The following ACACB variants were observed in gnomAD, a reference collection of about 807,000 sequenced individuals.
The protein encoded by ACACB is acetyl-CoA carboxylase 2.
Under a neutral mutation model 278.8 loss-of-function variants are expected in ACACB, and 209 were observed. That is an observed-to-expected ratio of 0.75 (90% CI 0.67 to 0.84). The LOEUF is 0.84. Among genes scored for constraint, ACACB ranks in the 40% least tolerant of loss-of-function variants. The pLI is 0.00. For synonymous variants in ACACB, 1,174 were observed against 1,285.6 expected (o/e 0.91, Z 1.86); for missense variants, 2,850 against 3,269.0 (o/e 0.87, Z 3.13).
intron 11 of ACACB, among the ~76,000 whole-genome samples, chr12:109,182,222 T>G (rs2044501638): frequency 6.6e-6 from 1 of 152,214 alleles, no homozygotes; most frequent in African/African-American, 2.4e-5. Flanking sequence ...TGGTTTTGAT[T>G]TGCATTTCTC....
At position 109,258,267 on chromosome 12, in the gene ACACB, G is replaced by A; in HGVS notation, c.6264-1G>A. ...CTGGCTCACTGGTGCTCATTTTCCA[G>A]GCTTGGGGGGATTCCCGTGGGAGTG... On this transcript the variant is annotated splice_acceptor_variant, in intron 45 of 52. Coordinates refer to ENST00000338432, the MANE Select transcript of ACACB (RefSeq NM_001093.4). LOFTEE classifies it high-confidence loss of function. 6.2e-7 allele frequency: 1 copy of A among 1,611,610 alleles called. No homozygotes were observed. The highest frequency in any genetic ancestry group is 8.5e-7 in the Non-Finnish European group (1 of 1,179,410).
At chr12:109,160,808 C>T (rs2043698662) in intron 2 of ACACB, among the ~76,000 whole-genome samples, 1 of 152,202 alleles carries the variant, frequency 6.6e-6, no homozygotes, top group African/African-American at 2.4e-5. Context: ...GCTTGCCTAG[C>T]CTGCGGTAAT....
At position 109,210,141 on chromosome 12, in the gene ACACB, ATGTATATATACACACGTGTGTATATG is replaced by A. The variant is rs2045699501; in HGVS notation, c.3249+790_3249+815del. Among the ~76,000 whole-genome samples the A allele has an allele frequency of 6.1e-5, 3 of 48,994 alleles. 1 individual carries two copies. Among genetic ancestry groups the A allele is most frequent in the Admixed American group, 1.8e-4 (1 of 5,428 alleles). 32.1% of individuals were successfully genotyped at this position (48,994 alleles called of 152,430 possible). The stretch of plus-strand genomic sequence containing the variant: ...TACACGTACATGTATGTGTGTATAT[ATGTATATATACACACGTGTGTATATG>A]TATATATGTATATATACACACGTGT... On this transcript the variant is annotated intron_variant, in intron 21 of 52. Transcript: ENST00000338432.
chr12:109,245,643 G>C lies in ACACB; in HGVS notation c.5196G>C (p.Trp1732Cys). ...EMFRQALFKL[W>C]GSPDKYPKDI... ...CTCCCCAGGCTCTCTTTAAACTGTG[G>C]GGCTCCCCAGACAAGTATCCCAAAG... The change falls in exon 38 of 53, where the codon TGG (tryptophan) becomes TGC (cysteine). Residue 1732 changes from tryptophan to cysteine, a missense_variant. Physicochemically the swap from Trp to Cys is radical, Grantham distance 215 (BLOSUM62 -2). Around this residue, in one of 3 missense-constraint regions of ACACB, gnomAD observed 2,265 missense variants for 2,561.3 expected, o/e 0.88. Transcript: ENST00000338432. The C allele has an allele frequency of 6.2e-7, 1 of 1,613,888 alleles. No homozygotes were observed. The highest frequency in any genetic ancestry group is 8.5e-7 in the Non-Finnish European group (1 of 1,179,910).
chr12:109,217,108 C>G (rs1210198805), intron 24 of ACACB, among the ~76,000 whole-genome samples, 188 bp downstream of exon 24: 1 of 152,086 alleles, frequency 6.6e-6, no homozygotes, highest in Admixed American at 6.6e-5. Context: ...ATAGTGAAAC[C>G]TCGTCTCCAC....
chr12:109,264,157 A>C, intron 49 of ACACB, 75 bp from the exon 50 acceptor site: 3 of 1,367,378 alleles, frequency 2.2e-6, no homozygotes, highest in Non-Finnish European at 3.0e-6. Flanking sequence ...CCTTCTTCAA[A>C]AAAAAAAAAA....
At position 109,134,397 on chromosome 12, in the gene ACACB, G is replaced by A. The variant is rs372089097; in HGVS notation, c.-9-5000G>A. Among the ~76,000 whole-genome samples the A allele has an allele frequency of 6.6e-5, 10 of 152,268 alleles. No individual in the cohort carries two copies. In the South Asian group the frequency reaches 1.2e-3, roughly 19 times the overall value. On this transcript the variant is annotated intron_variant, in intron 1 of 52. Coordinates refer to ENST00000338432, the MANE Select transcript of ACACB (RefSeq NM_001093.4). The stretch of plus-strand genomic sequence containing the variant: ...ATTCAGCAGGGGTCAGGTTTAGAGG[G>A]CCCCGTATGCCCTCCTTTCCTGGGG...
At chr12:109,176,386 CGTT>C (rs1483404053) in intron 9 of ACACB, 123 bp downstream of exon 9, 10 of 872,762 alleles carry the variant, frequency 1.1e-5, no homozygotes, top group Non-Finnish European at 1.8e-5. Flanking sequence ...CTGGATGTAT[CGTT>C]GTATCGTATT....
intron 34 of ACACB, among the ~76,000 whole-genome samples, chr12:109,238,865 C>CCGTTTTAATAGGTTTTAT: frequency 6.8e-6 from 1 of 146,512 alleles, no homozygotes; most frequent in East Asian, 2.1e-4. Flanking sequence ...ACGCCTGGCC[C>CCGTTTTAATAGGTTTTAT]TATTGATGGA....
Position 109,245,549 on chromosome 12 carries a change from G to C in ACACB, c.5179-77G>C, listed in dbSNP as rs2046916332. 7 of 1,492,850 alleles carry C rather than the reference G, an allele frequency of 4.7e-6. 1 individual carries two copies. The Middle Eastern group carries it at 5.4e-4, about 114-fold the overall frequency. The allele number at this position is 1,492,850 out of a possible 1,614,324, so 92.5% of individuals were successfully genotyped here. ...CAGAATTCACCCTGGAATCATGACAGATCATCTCTGTCTGGGAAAGATAGT... is the reference window on the plus strand; with the variant it reads ...CAGAATTCACCCTGGAATCATGACACATCATCTCTGTCTGGGAAAGATAGT... On this transcript the variant is annotated intron_variant, in intron 37 of 52. Coordinates refer to ENST00000338432, the MANE Select transcript of ACACB (RefSeq NM_001093.4).
At chr12:109,241,031 T>C in intron 35 of ACACB, 47 bp from the exon 36 acceptor site, 2 of 1,592,136 alleles carry the variant, frequency 1.3e-6, no homozygotes, top group African/African-American at 2.7e-5. Flanking sequence ...GCAAATGTCC[T>C]TGGGATGTCT....
chr12:109,181,862 T>TTTG (rs2044485542), intron 11 of ACACB, among the ~76,000 whole-genome samples: 2 of 147,570 alleles, frequency 1.4e-5, no homozygotes, highest in African/African-American at 2.5e-5. Context: ...TTTTTTTTTT[T>TTTG]GAGAGTGAGT....
chr12:109,216,727 C>T (rs2046010956), intron 23 of ACACB, 21 bp downstream of exon 23: 3 of 1,614,130 alleles, frequency 1.9e-6, no homozygotes, highest in Non-Finnish European at 2.5e-6. Flanking sequence ...CTGATGCCAA[C>T]ACCAGTGGGA....
chr12:109,235,144 A>T (rs889582526), intron 31 of ACACB, among the ~76,000 whole-genome samples, 169 bp from the exon 32 acceptor site: 1 of 152,156 alleles, frequency 6.6e-6, no homozygotes, highest in Non-Finnish European at 1.5e-5. Context: ...AGATTTGCCT[A>T]TTCTGGACGT....
intron 1 of ACACB, among the ~76,000 whole-genome samples, chr12:109,126,890 A>G (rs1201734249): frequency 2.0e-5 from 3 of 152,108 alleles, no homozygotes; most frequent in African/African-American, 7.2e-5. Flanking sequence ...CTTCTCTTAA[A>G]TATGTTTTGC....
At chr12:109,218,224 CAG>C (rs1386533775) in intron 24 of ACACB, among the ~76,000 whole-genome samples, 1 of 152,140 alleles carries the variant, frequency 6.6e-6, no homozygotes, top group Non-Finnish European at 1.5e-5. Context: ...TCTTTTGAGA[CAG>C]GGTCTCGCTC....
At chr12:109,186,306 A>C (rs1199881878) in intron 12 of ACACB, among the ~76,000 whole-genome samples, 1 of 152,234 alleles carries the variant, frequency 6.6e-6, no homozygotes, top group African/African-American at 2.4e-5. Flanking sequence ...CTTATAGGAC[A>C]CTACTGCTGC....
At chr12:109,213,239 C>T (rs755780065) in intron 22 of ACACB, among the ~76,000 whole-genome samples, 10 of 152,018 alleles carry the variant, frequency 6.6e-5, no homozygotes, top group Non-Finnish European at 1.5e-4. Context: ...AATTCTTGTA[C>T]TTTTAGTAGA....
At chr12:109,262,586 A>G in intron 49 of ACACB, 117 bp downstream of exon 49, 3 of 614,956 alleles carry the variant, frequency 4.9e-6, no homozygotes, top group Non-Finnish European at 8.5e-6. Flanking sequence ...TACAGCTATA[A>G]TAACTGTGAG....
Sources: allele counts gnomAD v4.1 joint callset (sites outside exome capture counted in the v4.1 genomes callset), GRCh38; gene constraint gnomAD v4.1.1; regional missense constraint gnomAD v4.1.1; transcripts MANE v1.5; gene names NCBI Gene and HGNC (gene_info 2026-07-23, HGNC 2026-07-21).